The following DCLK1 variants were observed in gnomAD, a reference collection of about 807,000 sequenced individuals.
The protein encoded by DCLK1 is serine/threonine-protein kinase DCLK1.
DCLK1 carries 16 observed loss-of-function variants against 86.2 expected under a neutral mutation model. The observed-to-expected ratio is 0.19, with a 90% CI of 0.13 to 0.28. The LOEUF is 0.28. Among genes scored for constraint, DCLK1 ranks in the 10% least tolerant of loss-of-function variants. The probability of loss-of-function intolerance (pLI) is 1.00; values close to 1 mark genes in which losing one functional copy is unlikely to be tolerated. For missense variants in DCLK1, 590 were observed against 940.2 expected, an observed-to-expected ratio of 0.63 and a Z score of 4.87; for synonymous variants, 369 against 370.5, an observed-to-expected ratio of 1.00 and a Z score of 0.05.
intron 3 of DCLK1, among the ~76,000 whole-genome samples, chr13:36,102,211 T>A (rs1885243342): frequency 6.6e-6 from 1 of 150,520 alleles, no homozygotes; most frequent in Non-Finnish European, 1.5e-5. Context: ...TTTTTTAAGC[T>A]AGTGCTTACC....
At chr13:35,818,310 A>G (rs1052433313) in intron 11 of DCLK1, among the ~76,000 whole-genome samples, 5 of 152,350 alleles carry the variant, frequency 3.3e-5, no homozygotes, top group Admixed American at 2.0e-4. Context: ...TTATCTTGTG[A>G]GCATGGAATT....
intron 5 of DCLK1, among the ~76,000 whole-genome samples, chr13:35,868,433 T>G (rs1286344480): frequency 6.6e-6 from 1 of 152,196 alleles, no homozygotes; most frequent in Non-Finnish European, 1.5e-5. Context: ...ACATAAGAAT[T>G]TGGCTAATTA....
Position 36,128,592 on chromosome 13 carries a change from C to T in DCLK1, c.-19-2436G>A, listed in dbSNP as rs185636625. On this transcript the variant is annotated intron_variant, in intron 1 of 16. Transcript: ENST00000360631. ...TGATTCTATCTACCTGCTTATGGGT[C>T]TATTGCTGACCCCACTGAAGGTCTG... Among the ~76,000 whole-genome samples, 410 of 152,254 alleles carry T rather than the reference C, an allele frequency of 2.7e-3. 3 individuals are homozygous for T. The highest frequency in any genetic ancestry group is 9.5e-3 in the African/African-American group (394 of 41,560).
chr13:36,072,414 C>T (rs1884011670), intron 3 of DCLK1, among the ~76,000 whole-genome samples: 1 of 152,136 alleles, frequency 6.6e-6, no homozygotes, highest in South Asian at 2.1e-4. Flanking sequence ...AAACTCTTCC[C>T]TTCTCTAATG....
At chr13:36,109,980 G>T (rs971293364) in intron 3 of DCLK1, among the ~76,000 whole-genome samples, 14 of 152,174 alleles carry the variant, frequency 9.2e-5, no homozygotes, top group African/African-American at 3.4e-4. Flanking sequence ...CATTAAAGCC[G>T]ATTTTTAGAT....
intron 3 of DCLK1, among the ~76,000 whole-genome samples, chr13:36,109,214 T>C (rs1303786986): frequency 2.0e-5 from 3 of 152,142 alleles, no homozygotes; most frequent in Non-Finnish European, 4.4e-5. Flanking sequence ...CTAGGGGAAA[T>C]GCCACAGCAG....
At chr13:36,113,053 C>A (rs138916159) in intron 2 of DCLK1, among the ~76,000 whole-genome samples, 1 of 152,052 alleles carries the variant, frequency 6.6e-6, no homozygotes, top group Non-Finnish European at 1.5e-5. Context: ...TAGGTCAAAG[C>A]CTTTTGAAAT....
At chr13:35,943,432 A>T (rs568429980) in intron 4 of DCLK1, among the ~76,000 whole-genome samples, 1 of 152,324 alleles carries the variant, frequency 6.6e-6, no homozygotes, top group Non-Finnish European at 1.5e-5. Context: ...AGCCCTAGGA[A>T]ATTCATTCAG....
At chr13:35,981,911 T>C (rs986417312) in intron 3 of DCLK1, among the ~76,000 whole-genome samples, 1 of 152,164 alleles carries the variant, frequency 6.6e-6, no homozygotes, top group Non-Finnish European at 1.5e-5. Context: ...CCATCAACAG[T>C]GTACAAGAGT....
intron 3 of DCLK1, among the ~76,000 whole-genome samples, chr13:36,092,104 C>A (rs909715803): frequency 3.9e-5 from 6 of 152,158 alleles, no homozygotes; most frequent in African/African-American, 1.4e-4. Context: ...TATTTTATTT[C>A]ATTACTTAGC....
intron 15 of DCLK1, among the ~76,000 whole-genome samples, chr13:35,804,619 G>C (rs2086989785): frequency 6.6e-6 from 1 of 151,864 alleles, no homozygotes; most frequent in South Asian, 2.1e-4. Flanking sequence ...TTTTAGTAGA[G>C]ATGGCGTTTC....
At chr13:35,827,545 A>T in intron 10 of DCLK1, 90 bp downstream of exon 10, 1 of 1,479,088 alleles carries the variant, frequency 6.8e-7, no homozygotes. Context: ...GAACCTGAAT[A>T]CTGATGGGAG....
At chr13:36,018,540 C>T (rs1881629426) in intron 3 of DCLK1, among the ~76,000 whole-genome samples, 1 of 152,072 alleles carries the variant, frequency 6.6e-6, no homozygotes. Context: ...CATGGTTGCT[C>T]AATTGAACAA....
chr13:36,046,318 T>C (rs1325006045), intron 3 of DCLK1, among the ~76,000 whole-genome samples: 1 of 152,324 alleles, frequency 6.6e-6, no homozygotes, highest in Admixed American at 6.5e-5. Context: ...GCATCTGAGT[T>C]AATACATAAA....
chr13:36,091,204 G>A (rs1776369258), intron 3 of DCLK1, among the ~76,000 whole-genome samples: 1 of 152,056 alleles, frequency 6.6e-6, no homozygotes, highest in Admixed American at 6.6e-5. Context: ...GATCCCATTT[G>A]TCAATTCTGG....
chr13:36,020,608 T>G (rs979822355), intron 3 of DCLK1, among the ~76,000 whole-genome samples: 2 of 152,098 alleles, frequency 1.3e-5, no homozygotes, highest in African/African-American at 4.8e-5. Context: ...GAACAGTCCC[T>G]CAGTGACCTG....
intron 3 of DCLK1, among the ~76,000 whole-genome samples, chr13:36,095,890 T>C (rs1468430770): frequency 2.0e-5 from 3 of 152,212 alleles, no homozygotes; most frequent in African/African-American, 7.2e-5. Context: ...AATTTTTCCA[T>C]TTCATTGATA....
chr13:35,847,837 G>T, intron 6 of DCLK1: 1 of 985,176 alleles, frequency 1.0e-6, no homozygotes, highest in Non-Finnish European at 1.2e-6. Context: ...ACAGATGAGA[G>T]AACCTGACAC....
At chr13:35,981,173 G>A (rs73520115) in intron 3 of DCLK1, among the ~76,000 whole-genome samples, 2,069 of 152,044 alleles carry the variant, frequency 0.014, 39 homozygotes, top group African/African-American at 0.047. Flanking sequence ...TCTTAACCAG[G>A]GGTTGGGGAC....
Sources: gnomAD v4.1 joint callset for allele counts (sites outside exome capture counted in the v4.1 genomes callset) on GRCh38, gnomAD v4.1.1 for gene constraint, MANE v1.5 for transcripts, NCBI Gene and HGNC (gene_info 2026-07-23, HGNC 2026-07-21) for gene names.